The following DIAPH3 variants were observed in gnomAD, a reference collection of about 807,000 sequenced individuals.
The protein encoded by DIAPH3 is diaphanous related formin 3, also known as protein diaphanous homolog 3.
In DIAPH3, 117 loss-of-function variants were observed where a neutral mutation model predicts 144.3. The observed-to-expected ratio is 0.81, with a 90% CI of 0.70 to 0.95. DIAPH3 has a LOEUF of 0.95. DIAPH3 is among the 40% of genes least tolerant of loss of function. The pLI is 0.00. For synonymous variants in DIAPH3, 519 were observed against 488.9 expected (o/e 1.06, Z -0.81); for missense variants, 1,421 against 1,412.7 (o/e 1.01, Z -0.09).
chr13:59,676,087 A>G (rs918261231), intron 27 of DIAPH3, among the ~76,000 whole-genome samples: 13 of 152,212 alleles, frequency 8.5e-5, no homozygotes, highest in Non-Finnish European at 1.8e-4. Flanking sequence ...TCTTCTGAAT[A>G]ACTTATGCTA....
intron 21 of DIAPH3, among the ~76,000 whole-genome samples, chr13:59,878,101 C>T (rs1270849971): frequency 6.6e-6 from 1 of 152,034 alleles, no homozygotes; most frequent in African/African-American, 2.4e-5. Context: ...TAATCACATA[C>T]ATTAAAGATA....
rs991579585 is a variant in DIAPH3, at chr13:60,059,815, T to A, written c.496-16995A>T. Reference sequence around the variant, plus strand: ...ACGGATAGAAAAAATCCACTGATATTCTTAGTCATTGGTTCATTATCGTCT... The same window carrying A: ...ACGGATAGAAAAAATCCACTGATATACTTAGTCATTGGTTCATTATCGTCT... On this transcript the variant is annotated intron_variant, in intron 4 of 27. Coordinates refer to ENST00000400324, the MANE Select transcript of DIAPH3 (RefSeq NM_001042517.2). Among the ~76,000 whole-genome samples, 3 of 151,990 alleles carry A rather than the reference T, an allele frequency of 2.0e-5. No individual in the cohort carries two copies. In the East Asian group the frequency reaches 5.8e-4, roughly 29 times the overall value.
chr13:59,774,261 A>T lies in DIAPH3; in HGVS notation c.3260-13T>A, dbSNP rs751261646. ...CTCTGCCGAACATCTGTTAAAAAAA[A>T]AAATAAAATAAACTTAATATAGAGG... is the stretch of plus-strand genomic sequence containing the variant. On this transcript the variant is annotated splice_polypyrimidine_tract_variant and intron_variant, in intron 26 of 27. Coordinates refer to ENST00000400324, the MANE Select transcript of DIAPH3 (RefSeq NM_001042517.2). The T allele has an allele frequency of 3.5e-5, 56 of 1,605,534 alleles. No homozygotes were observed. Among genetic ancestry groups the T allele is most frequent in the Non-Finnish European group, 4.6e-5 (54 of 1,174,036 alleles).
chr13:59,859,081 C>T (rs1320661701), intron 22 of DIAPH3, among the ~76,000 whole-genome samples: 2 of 152,126 alleles, frequency 1.3e-5, no homozygotes, highest in Non-Finnish European at 2.9e-5. Context: ...CCAAAGCAAA[C>T]ACACTTACCT....
chr13:59,832,929 G>T, intron 24 of DIAPH3, 178 bp downstream of exon 24: 1 of 619,148 alleles, frequency 1.6e-6, no homozygotes, highest in Non-Finnish European at 2.9e-6. Flanking sequence ...TGTTGGAAAG[G>T]CCAAAAGGAG....
Position 60,143,115 on chromosome 13 carries a change from G to A in DIAPH3, c.181-10126C>T, listed in dbSNP as rs113224808. Among the ~76,000 whole-genome samples, 699 of 152,048 alleles carry A rather than the reference G, an allele frequency of 4.6e-3. 9 individuals are homozygous for A. The highest frequency in any genetic ancestry group is 0.017 in the Middle Eastern group (5 of 294). On this transcript the variant is annotated intron_variant, in intron 1 of 27. Transcript: ENST00000400324. ...CCTCACCTTAAACCAACCTACCTTG[G>A]TTTCTGTTTATTTCTGGGCCTTGAC...
chr13:60,107,542 T>C (rs1029992405), intron 3 of DIAPH3, among the ~76,000 whole-genome samples: 2 of 152,146 alleles, frequency 1.3e-5, no homozygotes, highest in Admixed American at 6.5e-5. Context: ...ATGCCTTTGG[T>C]ATTATCTAAA....
chr13:60,113,077 C>G (rs934898473), intron 2 of DIAPH3, among the ~76,000 whole-genome samples: 1 of 152,118 alleles, frequency 6.6e-6, no homozygotes, highest in Non-Finnish European at 1.5e-5. Context: ...TTGTTGTATA[C>G]ATTTTTAAGC....
chr13:60,053,294 TAGAA>T (rs1054934608), intron 4 of DIAPH3, among the ~76,000 whole-genome samples: 2 of 152,084 alleles, frequency 1.3e-5, no homozygotes, highest in Non-Finnish European at 2.9e-5. Context: ...TGAAAATACT[TAGAA>T]AGCCTTATCC....
Position 60,144,528 on chromosome 13 carries a change from A to G in DIAPH3, c.181-11539T>C, listed in dbSNP as rs540582872. ...TCACTGTTCCTTGTAAGCCAGCCCT[A>G]GCCGCAGCTAAACACAAGGCAGAAT... On this transcript the variant is annotated intron_variant, in intron 1 of 27. Coordinates refer to ENST00000400324, the MANE Select transcript of DIAPH3 (RefSeq NM_001042517.2). Among the ~76,000 whole-genome samples the G allele has an allele frequency of 2.0e-5, 3 of 152,328 alleles. No homozygotes were observed. In the South Asian group the frequency reaches 6.2e-4, roughly 32 times the overall value.
At chr13:59,985,812 G>T (rs2051359618) in intron 12 of DIAPH3, among the ~76,000 whole-genome samples, 1 of 94,786 alleles carries the variant, frequency 1.1e-5, no homozygotes, top group Non-Finnish European at 2.2e-5. Context: ...CACTGCTCAA[G>T]GAAATAAAAG....
chr13:60,046,602 C>T (rs1405909259), intron 4 of DIAPH3, among the ~76,000 whole-genome samples: 1 of 152,104 alleles, frequency 6.6e-6, no homozygotes, highest in Non-Finnish European at 1.5e-5. Flanking sequence ...TACCATTTGA[C>T]CGAGCAATCC....
intron 27 of DIAPH3, among the ~76,000 whole-genome samples, chr13:59,723,867 C>G (rs1315874081): frequency 4.0e-5 from 6 of 151,338 alleles, no homozygotes; most frequent in Non-Finnish European, 1.5e-5. Context: ...CCCGCCTCGG[C>G]CTCCCAAAGT....
intron 24 of DIAPH3, among the ~76,000 whole-genome samples, chr13:59,831,567 C>T (rs1012162481): frequency 2.0e-5 from 3 of 151,886 alleles, no homozygotes; most frequent in Non-Finnish European, 4.4e-5. Context: ...GCCTGGAAGA[C>T]TAATTTTAGC....
intron 1 of DIAPH3, among the ~76,000 whole-genome samples, chr13:60,159,368 G>C (rs918664972): frequency 6.6e-5 from 10 of 152,186 alleles, no homozygotes; most frequent in Non-Finnish European, 1.5e-4. Flanking sequence ...GCTCACGCCT[G>C]TAATCCCAGC....
chr13:59,796,699 A>C (rs1394645438), intron 25 of DIAPH3, among the ~76,000 whole-genome samples: 1 of 152,214 alleles, frequency 6.6e-6, no homozygotes, highest in South Asian at 2.1e-4. Flanking sequence ...AAACATTCTA[A>C]ACAGGTAATT....
intron 24 of DIAPH3, among the ~76,000 whole-genome samples, chr13:59,827,964 T>C (rs1487836957): frequency 1.3e-5 from 2 of 152,082 alleles, no homozygotes; most frequent in African/African-American, 2.4e-5. Context: ...TATCATTTGC[T>C]AATAACAAAT....
chr13:59,911,400 T>C (rs1233661123), intron 20 of DIAPH3, among the ~76,000 whole-genome samples: 1 of 152,182 alleles, frequency 6.6e-6, no homozygotes, highest in African/African-American at 2.4e-5. Flanking sequence ...TCTTGCAATA[T>C]GTTGGAATAC....
intron 14 of DIAPH3, among the ~76,000 whole-genome samples, chr13:59,975,053 T>A (rs1396362730): frequency 6.6e-6 from 1 of 152,008 alleles, no homozygotes; most frequent in African/African-American, 2.4e-5. Flanking sequence ...ACAATAAAAT[T>A]TGGTGAATCC....
Sources: allele counts gnomAD v4.1 joint callset (sites outside exome capture counted in the v4.1 genomes callset), GRCh38; gene constraint gnomAD v4.1.1; transcripts MANE v1.5; gene names NCBI Gene and HGNC (gene_info 2026-07-23, HGNC 2026-07-21).